Variants in RAD51B observed in about 807,000 individuals in gnomAD.
RAD51B encodes DNA repair protein RAD51 homolog 2.
RAD51B carries 38 observed loss-of-function variants against 42.2 expected under a neutral mutation model. That is an observed-to-expected ratio of 0.90 (90% CI 0.70 to 1.18). The LOEUF (loss-of-function observed/expected upper bound fraction) is 1.18. RAD51B is among the 50% of genes most tolerant of loss of function. The probability of loss-of-function intolerance (pLI) is 0.00; values close to 1 mark genes in which losing one functional copy is unlikely to be tolerated. For missense variants in RAD51B, 373 were observed against 400.7 expected, an observed-to-expected ratio of 0.93 and a Z score of 0.59; for synonymous variants, 154 against 145.2, an observed-to-expected ratio of 1.06 and a Z score of -0.43.
intron 7 of RAD51B, among the ~76,000 whole-genome samples, chr14:68,270,166 T>C (rs142264722): frequency 5.6e-4 from 85 of 152,370 alleles, no homozygotes; most frequent in Non-Finnish European, 1.1e-3. Context: ...GTTTGTTACA[T>C]GCCCTGCGAT....
chr14:67,897,670 A>G (rs1293847862), intron 7 of RAD51B, among the ~76,000 whole-genome samples: 2 of 146,124 alleles, frequency 1.4e-5, no homozygotes, highest in African/African-American at 2.6e-5. Context: ...TTTTTTTGAG[A>G]TGGAGTTTCG....
At chr14:68,676,533 G>C (rs1182097246) in intron 11 of RAD51B, among the ~76,000 whole-genome samples, 1 of 152,232 alleles carries the variant, frequency 6.6e-6, no homozygotes. Flanking sequence ...AAGCCGGGGA[G>C]TTAGGGCTAC....
At chr14:68,345,476 T>C (rs954094470) in intron 8 of RAD51B, among the ~76,000 whole-genome samples, 4 of 151,856 alleles carry the variant, frequency 2.6e-5, no homozygotes, top group African/African-American at 9.7e-5. Flanking sequence ...ATTTAAAGAG[T>C]GTGGCACCTC....
intron 10 of RAD51B, among the ~76,000 whole-genome samples, chr14:68,608,590 G>C (rs1392207297): frequency 2.0e-5 from 3 of 152,194 alleles, no homozygotes; most frequent in African/African-American, 7.2e-5. Context: ...CTCCTGGGCA[G>C]GCTGTAGGGC....
At chr14:68,247,936 T>C (rs1445233582) in intron 7 of RAD51B, among the ~76,000 whole-genome samples, 2 of 152,172 alleles carry the variant, frequency 1.3e-5, no homozygotes, top group African/African-American at 4.8e-5. Flanking sequence ...ACAAAATGCC[T>C]TCATGTACAT....
intron 7 of RAD51B, among the ~76,000 whole-genome samples, chr14:68,198,742 A>G (rs1040341053): frequency 6.6e-6 from 1 of 152,228 alleles, no homozygotes; most frequent in East Asian, 1.9e-4. Context: ...CTATATTATT[A>G]TGCAGTTCTC....
intron 7 of RAD51B, among the ~76,000 whole-genome samples, chr14:68,210,843 C>A (rs1311013955): frequency 6.6e-6 from 1 of 152,052 alleles, no homozygotes; most frequent in Non-Finnish European, 1.5e-5. Flanking sequence ...CCACAAAGAG[C>A]AAGTAGGTCA....
rs566669309 is a variant in RAD51B, at chr14:68,308,153, A to G, written c.853+16173A>G. ...TAAATAATATCAAGGATAGAATTACATAACTCCCAACTTGAGTATTTTTTG... is the reference window on the plus strand; with the variant it reads ...TAAATAATATCAAGGATAGAATTACGTAACTCCCAACTTGAGTATTTTTTG... On this transcript the variant is annotated intron_variant, in intron 8 of 10. Transcript: ENST00000471583. 3.3e-5 allele frequency among the ~76,000 whole-genome samples: 5 copies of G among 152,362 alleles called. No homozygotes were observed. The East Asian group carries it at 7.7e-4, about 23-fold the overall frequency.
intron 10 of RAD51B, among the ~76,000 whole-genome samples, chr14:68,494,629 T>C (rs935171833): frequency 9.2e-5 from 14 of 152,270 alleles, no homozygotes; most frequent in Middle Eastern, 3.4e-3. Flanking sequence ...GATCTTTGTT[T>C]GCCTTCAAGT....
intron 7 of RAD51B, among the ~76,000 whole-genome samples, chr14:68,273,341 G>T (rs1595640775): frequency 6.6e-6 from 1 of 152,232 alleles, no homozygotes; most frequent in South Asian, 2.1e-4. Context: ...GGTGAACCTG[G>T]CCCTGTTCTT....
At chr14:67,896,715 A>G (rs1303301988) in intron 7 of RAD51B, among the ~76,000 whole-genome samples, 1 of 152,212 alleles carries the variant, frequency 6.6e-6, no homozygotes, top group East Asian at 1.9e-4. Flanking sequence ...TTTTTCAAAG[A>G]CAAAATTTGT....
At chr14:68,557,905 C>T (rs1479252346) in intron 10 of RAD51B, among the ~76,000 whole-genome samples, 1 of 151,910 alleles carries the variant, frequency 6.6e-6, no homozygotes, top group Non-Finnish European at 1.5e-5. Flanking sequence ...GGAAACCAGA[C>T]TGAAAAAAAG....
chr14:68,419,402 A>T (rs1278576379), intron 9 of RAD51B, among the ~76,000 whole-genome samples: 1 of 150,170 alleles, frequency 6.7e-6, no homozygotes, highest in Non-Finnish European at 1.5e-5. Context: ...TCAGTGGTTT[A>T]TAAAGAGCTC....
chr14:68,045,377 A>T (rs1177137076), intron 7 of RAD51B, among the ~76,000 whole-genome samples: 2 of 151,998 alleles, frequency 1.3e-5, no homozygotes, highest in African/African-American at 4.8e-5. Flanking sequence ...TTCTTATCTC[A>T]CACACAGTGC....
chr14:67,904,321 C>T (rs1025416027), intron 7 of RAD51B, among the ~76,000 whole-genome samples: 1 of 151,978 alleles, frequency 6.6e-6, no homozygotes, highest in Non-Finnish European at 1.5e-5. Context: ...CGAAAGATTG[C>T]CAAACTACTT....
chr14:67,956,123 T>TA (rs1332343368), intron 7 of RAD51B, among the ~76,000 whole-genome samples: 2 of 152,164 alleles, frequency 1.3e-5, no homozygotes, highest in Non-Finnish European at 2.9e-5. Context: ...GAAGAAAATT[T>TA]AAAAAAACAG....
intron 9 of RAD51B, among the ~76,000 whole-genome samples, chr14:68,417,365 A>C (rs1220038277): frequency 6.6e-6 from 1 of 152,208 alleles, no homozygotes; most frequent in Non-Finnish European, 1.5e-5. Context: ...ACCTATAGAA[A>C]TAGCAAAGGG....
intron 7 of RAD51B, among the ~76,000 whole-genome samples, chr14:68,047,884 G>A (rs1290433878): frequency 1.3e-5 from 2 of 151,960 alleles, no homozygotes; most frequent in African/African-American, 4.8e-5. Context: ...TTATTTTGGA[G>A]GGAAGGAAGA....
intron 8 of RAD51B, among the ~76,000 whole-genome samples, chr14:68,361,907 C>G (rs1220041197): frequency 6.6e-6 from 1 of 152,110 alleles, no homozygotes; most frequent in Non-Finnish European, 1.5e-5. Flanking sequence ...AACTCCTGAC[C>G]TCAAGCGATC....
Sources: gnomAD v4.1 joint callset for allele counts (sites outside exome capture counted in the v4.1 genomes callset) on GRCh38, gnomAD v4.1.1 for gene constraint, MANE v1.5 for transcripts, NCBI Gene and HGNC (gene_info 2026-07-23, HGNC 2026-07-21) for gene names.